C1orf122: variants seen among roughly 807,000 people sequenced by gnomAD.
C1orf122 encodes the protein uncharacterized protein C1orf122.
Under a neutral mutation model 12.9 loss-of-function variants are expected in C1orf122, and 12 were observed. That is an observed-to-expected ratio of 0.93 (90% CI 0.60 to 1.51). C1orf122 has a LOEUF of 1.51. Among genes scored for constraint, C1orf122 ranks in the 40% most tolerant of loss-of-function variants. The pLI, the probability that C1orf122 is intolerant of heterozygous loss-of-function variation, is 0.00. For missense variants in C1orf122, 144 were observed against 162.1 expected (o/e 0.89, Z 0.61); for synonymous variants, 57 against 73.4 (o/e 0.78, Z 1.14).
chr1:37,808,820 G>T, intron 2 of C1orf122, 88 bp downstream of exon 2: 2 of 1,455,446 alleles, frequency 1.4e-6, no homozygotes, highest in Non-Finnish European at 1.8e-6. Flanking sequence ...CTGGAGGGGG[G>T]AAGTATGTCT....
In C1orf122 at chr1:37,808,747, T is replaced by C; in HGVS notation, c.237+15T>C. On this transcript the variant is annotated intron_variant, in intron 2 of 2. Transcript: ENST00000373042. ...CTGGTGGCGGGGTTAGTGCCCACCC[T>C]GGGCTGGGCTGGGGTGGGGTGGGGT... The C allele has an allele frequency of 1.4e-6, 2 of 1,435,376 alleles. No homozygotes were observed. The highest frequency in any genetic ancestry group is 1.4e-5 in the African/African-American group (1 of 69,110). The allele number at this position is 1,435,376 out of a possible 1,614,324, so 88.9% of individuals were successfully genotyped here. A position where few individuals can be genotyped will look rare whatever the true frequency, so the allele number is the denominator to read the frequency against.
rs942713867 is a variant in C1orf122 at position 37,808,559 on chromosome 1, G to A, written c.64G>A (p.Ala22Thr). Residue 22 changes from alanine (A) to threonine (T), a missense_variant, in exon 2 of 3, where the codon GCG becomes ACG. By Grantham distance (58) the Ala-to-Thr change is moderately conservative. Transcript: ENST00000373042. ...GEAAGVDRGK[A>T]GLGLGGRPPP... is the part of the protein sequence containing the mutation. ...GGCTGCCGGCGTGGACCGCGGGAAG[G>A]CGGGGCTGGGGCTCGGCGGGAGGCC... 7.7e-7 allele frequency: 1 copy of A among 1,305,048 alleles called. No homozygotes were observed. Among genetic ancestry groups the A allele is most frequent in the African/African-American group, 1.5e-5 (1 of 64,838 alleles). The allele number at this position is 1,305,048 out of a possible 1,614,324, so 80.8% of individuals were successfully genotyped here.
In C1orf122 at chr1:37,808,763, G is replaced by A. The variant is rs529663940; in HGVS notation, c.237+31G>A. Reference sequence around the variant, plus strand: ...TGCCCACCCTGGGCTGGGCTGGGGTGGGGTGGGGTCTGCCCACTGGCTAGG... The same window carrying A: ...TGCCCACCCTGGGCTGGGCTGGGGTAGGGTGGGGTCTGCCCACTGGCTAGG... On this transcript the variant is annotated intron_variant, in intron 2 of 2. Coordinates refer to ENST00000373042, the MANE Select transcript of C1orf122 (RefSeq NM_198446.3). 2.8e-6 allele frequency: 4 copies of A among 1,449,534 alleles called. No homozygotes were observed. The South Asian group carries it at 4.3e-5, about 16-fold the overall frequency. The allele number at this position is 1,449,534 out of a possible 1,614,324, so 89.8% of individuals were successfully genotyped here.
In C1orf122 at chr1:37,808,093, C is replaced by A; in HGVS notation, c.-312C>A. 7.2e-7 allele frequency: 1 copy of A among 1,391,352 alleles called. No individual in the cohort carries two copies. Among genetic ancestry groups the A allele is most frequent in the Non-Finnish European group, 9.3e-7 (1 of 1,076,560 alleles). The allele number at this position is 1,391,352 out of a possible 1,614,324, so 86.2% of individuals were successfully genotyped here. A position where few individuals can be genotyped will look rare whatever the true frequency, so the allele number is the denominator to read the frequency against. ...GGACTCGGCGGGCGGAAGAGGCGAC[C>A]GCTCCGGGAGCCAGCAGGCCCCTCG... On this transcript the variant is annotated 5_prime_UTR_variant, in exon 1 of 3. Transcript: ENST00000373042.
chr1:37,807,808 C>CGCGGCCGAGGCAT lies in C1orf122; in HGVS notation c.-596_-584dup. 2 of 1,509,150 alleles carry CGCGGCCGAGGCAT rather than the reference C, an allele frequency of 1.3e-6. No individual in the cohort carries two copies. Among genetic ancestry groups the CGCGGCCGAGGCAT allele is most frequent in the Non-Finnish European group, 1.8e-6 (2 of 1,133,304 alleles). 93.5% of individuals were successfully genotyped at this position (1,509,150 alleles called of 1,614,324 possible). On this transcript the variant is annotated 5_prime_UTR_variant, in exon 1 of 3. It adds an upstream start codon to the 5' untranslated region. Coordinates refer to ENST00000373042, the MANE Select transcript of C1orf122 (RefSeq NM_198446.3). ...CGGCCTTACCTGTAGACGTCGGCCA[C>CGCGGCCGAGGCAT]GCGGCCGAGGCATACGGCCAGAGGC...
chr1:37,809,045 AT>A lies in C1orf122; in HGVS notation c.306del (p.Asp102GlufsTer30), dbSNP rs781400696. 7.4e-6 allele frequency: 12 copies of A among 1,613,918 alleles called. No individual in the cohort carries two copies. In the South Asian group the frequency reaches 1.3e-4, roughly 18 times the overall value. On this transcript the variant is annotated frameshift_variant, in exon 3 of 3. Transcript: ENST00000373042. LOFTEE classifies it high-confidence loss of function. ...AVSARGGFPKDAGDGAAEP is the reference protein window; with the variant it reads ...AVSARGGFPKXAGDGAAEP ...TCCGCCAGAGGCGGCTTTCCAAAGG[AT>A]GCTGGCGATGGAGCTGCGGAGCCCT...
Position 37,809,299 on chromosome 1 carries a change from C to T in C1orf122, c.*226C>T. On this transcript the variant is annotated 3_prime_UTR_variant, in exon 3 of 3. Coordinates refer to ENST00000373042, the MANE Select transcript of C1orf122 (RefSeq NM_198446.3). The stretch of plus-strand genomic sequence containing the variant: ...AGCCAATGAATACCCAGTCTGATTA[C>T]CCAGATTTGGGCAGACCAGCAGTGC... 1 of 669,604 alleles carries T rather than the reference C, an allele frequency of 1.5e-6. No homozygotes were observed. The allele number at this position is 669,604 out of a possible 1,614,324, so 41.5% of individuals were successfully genotyped here. A position where few individuals can be genotyped will look rare whatever the true frequency, so the allele number is the denominator to read the frequency against.
intron 2 of C1orf122, 58 bp downstream of exon 2, chr1:37,808,790 T>G: frequency 6.8e-7 from 1 of 1,463,684 alleles, no homozygotes; most frequent in Non-Finnish European, 9.0e-7. Flanking sequence ...CTGGCTAGGC[T>G]GGCCAAGCCC....
Position 37,807,907 on chromosome 1 carries a change from C to G in C1orf122, c.-498C>G. 1 of 1,362,414 alleles carries G rather than the reference C, an allele frequency of 7.3e-7. No homozygotes were observed. Among genetic ancestry groups the G allele is most frequent in the Non-Finnish European group, 9.5e-7 (1 of 1,051,122 alleles). The allele number at this position is 1,362,414 out of a possible 1,614,324, so 84.4% of individuals were successfully genotyped here. On this transcript the variant is annotated 5_prime_UTR_variant, in exon 1 of 3. Transcript: ENST00000373042. ...GAGCAGCTCGCCGCGCAGGCCAGGC[C>G]GTACAGCGTATCGGTGGGGACGGCC...
Position 37,809,449 on chromosome 1 carries a change from A to C in C1orf122, c.*376A>C. The stretch of plus-strand genomic sequence containing the variant: ...GCCTTGATTAAAAGGAAACCTGCAG[A>C]CTCTCCTGGTGACCGACGTTTCCTT... On this transcript the variant is annotated 3_prime_UTR_variant, in exon 3 of 3. Coordinates refer to ENST00000373042, the MANE Select transcript of C1orf122 (RefSeq NM_198446.3). The C allele has an allele frequency of 1.5e-5, 4 of 267,160 alleles. No individual in the cohort carries two copies. The highest frequency in any genetic ancestry group is 3.6e-5 in the South Asian group (1 of 28,034). The allele number at this position is 267,160 out of a possible 1,614,324, so 16.5% of individuals were successfully genotyped here.
chr1:37,808,650 G>T lies in C1orf122; in HGVS notation c.155G>T (p.Arg52Leu). ...QLLDAVEQRQRQLLDTIAACE... is the reference protein window; with the variant it reads ...QLLDAVEQRQLQLLDTIAACE... ...CTGGACGCGGTGGAGCAGCGGCAGCGGCAGCTCCTGGACACCATCGCAGCC... is the reference window on the plus strand; with the variant it reads ...CTGGACGCGGTGGAGCAGCGGCAGCTGCAGCTCCTGGACACCATCGCAGCC... The change falls in exon 2 of 3, where the codon CGG (arginine) becomes CTG (leucine). Residue 52 changes from arginine (R) to leucine (L), a missense_variant. Coordinates refer to ENST00000373042, the MANE Select transcript of C1orf122 (RefSeq NM_198446.3). 7.5e-7 allele frequency: 1 copy of T among 1,336,778 alleles called. No homozygotes were observed. Among genetic ancestry groups the T allele is most frequent in the Non-Finnish European group, 9.6e-7 (1 of 1,047,116 alleles). The allele number at this position is 1,336,778 out of a possible 1,614,324, so 82.8% of individuals were successfully genotyped here.
At position 37,808,375 on chromosome 1, in the gene C1orf122, G is replaced by A. The variant is rs539871785; in HGVS notation, c.-30G>A. 6 of 1,288,004 alleles carry A rather than the reference G, an allele frequency of 4.7e-6. No individual in the cohort carries two copies. The highest frequency in any genetic ancestry group is 1.5e-5 in the African/African-American group (1 of 64,764). 79.8% of individuals were successfully genotyped at this position (1,288,004 alleles called of 1,614,324 possible). On this transcript the variant is annotated 5_prime_UTR_variant, in exon 1 of 3. Coordinates refer to ENST00000373042, the MANE Select transcript of C1orf122 (RefSeq NM_198446.3). ...CGCTGGGGAGGGGGGCGGCCGAAAG[G>A]GGGGCGGTGGTCGGGCCGCGCAAGC...
rs1298465358 is a variant in C1orf122 at position 37,809,155 on chromosome 1, G to A, written c.*82G>A. The A allele has an allele frequency of 6.7e-7, 1 of 1,501,280 alleles. No individual in the cohort carries two copies. Among genetic ancestry groups the A allele is most frequent in the Non-Finnish European group, 9.3e-7 (1 of 1,077,208 alleles). The allele number at this position is 1,501,280 out of a possible 1,614,324, so 93.0% of individuals were successfully genotyped here. On this transcript the variant is annotated 3_prime_UTR_variant, in exon 3 of 3. Transcript: ENST00000373042. The stretch of plus-strand genomic sequence containing the variant: ...TCTGAACAACTCCCTTCAGTAAAGG[G>A]GCCAGTCTTCACTGGCAGTGGCTGG...
Position 37,809,067 on chromosome 1 carries a change from G to A in C1orf122, c.327G>A (p.Glu109=). 6.2e-7 allele frequency: 1 copy of A among 1,614,072 alleles called. No homozygotes were observed. The highest frequency in any genetic ancestry group is 1.3e-5 in the African/African-American group (1 of 75,070). The change falls in exon 3 of 3, where the codon GAG becomes GAA. Residue 109 remains glutamate (E), a synonymous_variant. Coordinates refer to ENST00000373042, the MANE Select transcript of C1orf122 (RefSeq NM_198446.3). ...AGGATGCTGGCGATGGAGCTGCGGA[G>A]CCCTGACCATCCCCGAGCAGAATAC... is the stretch of plus-strand genomic sequence containing the variant. ...FPKDAGDGAA[E]P
intron 2 of C1orf122, 83 bp downstream of exon 2, chr1:37,808,815 G>A (rs948757349): frequency 8.9e-6 from 13 of 1,463,534 alleles, no homozygotes; most frequent in African/African-American, 7.1e-5. Flanking sequence ...TTACCCTGGA[G>A]GGGGGAAGTA....
intron 2 of C1orf122, 21 bp downstream of exon 2, chr1:37,808,753 G>T: frequency 6.9e-7 from 1 of 1,444,424 alleles, no homozygotes; most frequent in South Asian, 1.4e-5. Flanking sequence ...ACCCTGGGCT[G>T]GGCTGGGGTG....
At position 37,807,994 on chromosome 1, in the gene C1orf122, G is replaced by A. The variant is rs1646753369; in HGVS notation, c.-411G>A. 5 of 1,200,898 alleles carry A rather than the reference G, an allele frequency of 4.2e-6. No individual in the cohort carries two copies. Among genetic ancestry groups the A allele is most frequent in the East Asian group, 3.5e-5 (1 of 28,496 alleles). 74.4% of individuals were successfully genotyped at this position (1,200,898 alleles called of 1,614,324 possible). A position where few individuals can be genotyped will look rare whatever the true frequency, so the allele number is the denominator to read the frequency against. ...CGCAGCGCCTCGGTCCAGCCGGCGC[G>A]CTCCGGGCTCGCGGCCTGCACGGCC... On this transcript the variant is annotated 5_prime_UTR_variant, in exon 1 of 3. Transcript: ENST00000373042.
chr1:37,808,202 A>T lies in C1orf122; in HGVS notation c.-203A>T. 7.0e-7 allele frequency: 1 copy of T among 1,420,590 alleles called. No homozygotes were observed. Among genetic ancestry groups the T allele is most frequent in the Non-Finnish European group, 9.2e-7 (1 of 1,092,074 alleles). The allele number at this position is 1,420,590 out of a possible 1,614,324, so 88.0% of individuals were successfully genotyped here. A position where few individuals can be genotyped will look rare whatever the true frequency, so the allele number is the denominator to read the frequency against. Reference sequence around the variant, plus strand: ...ACATCCGCCCAGGCCCGCTTCCGGGAGGAAGTGACGCTCCCAGCCAGCTTC... The same window carrying T: ...ACATCCGCCCAGGCCCGCTTCCGGGTGGAAGTGACGCTCCCAGCCAGCTTC... On this transcript the variant is annotated 5_prime_UTR_variant, in exon 1 of 3. Coordinates refer to ENST00000373042, the MANE Select transcript of C1orf122 (RefSeq NM_198446.3).
rs200417433 is a variant in C1orf122 at position 37,809,080 on chromosome 1, C to A, written c.*7C>A. The A allele has an allele frequency of 8.1e-6, 13 of 1,613,566 alleles. No individual in the cohort carries two copies. Among genetic ancestry groups the A allele is most frequent in the Admixed American group, 6.7e-5 (4 of 60,010 alleles). On this transcript the variant is annotated 3_prime_UTR_variant, in exon 3 of 3. Coordinates refer to ENST00000373042, the MANE Select transcript of C1orf122 (RefSeq NM_198446.3). ...TGGAGCTGCGGAGCCCTGACCATCC[C>A]CGAGCAGAATACCCTGACTTCTCTC...
Sources: allele counts gnomAD v4.1 joint callset, GRCh38; gene constraint gnomAD v4.1.1; transcripts MANE v1.5; gene names NCBI Gene and HGNC (gene_info 2026-07-23, HGNC 2026-07-21).